The following SCARB1 variants were observed in gnomAD, a reference collection of about 807,000 sequenced individuals.
SCARB1 encodes scavenger receptor class B member 1, also known as CD36 and LIMPII analogous 1.
In SCARB1, 30 loss-of-function variants were observed where a neutral mutation model predicts 57.2. That is an observed-to-expected ratio of 0.52 (90% confidence interval 0.39 to 0.71). The LOEUF (loss-of-function observed/expected upper bound fraction) is 0.71. SCARB1 is among the 30% of genes least tolerant of loss of function. The pLI is 0.00. For missense variants in SCARB1, 543 were observed against 671.2 expected, an observed-to-expected ratio of 0.81 and a Z score of 2.11; for synonymous variants, 249 against 268.3, an observed-to-expected ratio of 0.93 and a Z score of 0.70.
intron 1 of SCARB1, among the ~76,000 whole-genome samples, chr12:124,834,585 T>C (rs1020703970): frequency 6.6e-6 from 1 of 152,214 alleles, no homozygotes; most frequent in Non-Finnish European, 1.5e-5. Context: ...TGGTGTTTAC[T>C]AGGTACCTGT....
At chr12:124,855,360 G>A (rs1016135424) in intron 1 of SCARB1, among the ~76,000 whole-genome samples, 2 of 152,222 alleles carry the variant, frequency 1.3e-5, no homozygotes, top group Admixed American at 6.5e-5. Context: ...TGAGCAGGCG[G>A]AGTGTCTCCA....
rs1949521971 is a variant in SCARB1, at chr12:124,786,444, G to C, written c.1314C>G (p.Pro438=). The C allele has an allele frequency of 6.2e-7, 1 of 1,614,052 alleles. No homozygotes were observed. Among genetic ancestry groups the C allele is most frequent in the Non-Finnish European group, 8.5e-7 (1 of 1,180,050 alleles). Reference sequence around the variant, plus strand: ...CGTACTGGGCATAGTGCATCACCTTGGGCATCAACACCAGCTGAGTGTAGA... The same window carrying C: ...CGTACTGGGCATAGTGCATCACCTTCGGCATCAACACCAGCTGAGTGTAGA... ...HTFYTQLVLM[P]KVMHYAQYVL... The change falls in exon 11 of 13, where the codon CCC becomes CCG. Residue 438 remains proline, a synonymous_variant. Coordinates refer to ENST00000261693, the MANE Select transcript of SCARB1 (RefSeq NM_005505.5).
chr12:124,854,711 G>A (rs1382480469), intron 1 of SCARB1, among the ~76,000 whole-genome samples: 8 of 152,186 alleles, frequency 5.3e-5, no homozygotes, highest in Non-Finnish European at 1.0e-4. Context: ...AGTCAAGGCT[G>A]AGTGCAAGAT....
rs562146249 is a variant in SCARB1 at position 124,807,978 on chromosome 12, G to A, written c.843-51C>T. The stretch of plus-strand genomic sequence containing the variant: ...GGGACACCCAGACCCGGCGGCCAGA[G>A]CCAGGCCCTGCCAAAGGCTGCCCAG... On this transcript the variant is annotated intron_variant, in intron 6 of 12. Transcript: ENST00000261693. This position sits in a 1 kb window ranked among gnomAD's most constrained non-coding sequence, Gnocchi z 5.3. 6.3e-7 allele frequency: 1 copy of A among 1,581,920 alleles called. No individual in the cohort carries two copies. The highest frequency in any genetic ancestry group is 1.1e-5 in the South Asian group (1 of 90,288).
intron 12 of SCARB1, 131 bp from the exon 13 acceptor site, chr12:124,778,717 TGAG>T (rs2135509855): frequency 1.0e-6 from 1 of 955,290 alleles, no homozygotes; most frequent in South Asian, 3.5e-5. Context: ...CTGTCAGAAG[TGAG>T]AAGAGACTGG....
At chr12:124,797,121 T>C (rs1949968133) in intron 8 of SCARB1, among the ~76,000 whole-genome samples, 1 of 152,118 alleles carries the variant, frequency 6.6e-6, no homozygotes, top group African/African-American at 2.4e-5. Flanking sequence ...AGACAACATC[T>C]CCTACATGTT....
At chr12:124,851,874 C>G (rs1379477513) in intron 1 of SCARB1, among the ~76,000 whole-genome samples, 9 of 151,990 alleles carry the variant, frequency 5.9e-5, no homozygotes, top group African/African-American at 1.5e-4. Flanking sequence ...CCTAAAGTGC[C>G]GGGATTACAG....
intron 1 of SCARB1, among the ~76,000 whole-genome samples, chr12:124,835,566 A>C (rs573511109): frequency 1.3e-5 from 2 of 152,266 alleles, no homozygotes; most frequent in East Asian, 3.9e-4. Context: ...CACTGCACCC[A>C]GCCCTTGAAA....
Position 124,778,535 on chromosome 12 carries a change from G to A in SCARB1, c.*52C>T. ...AGAAGCGGGGTGTAGGGGCTGGGGG[G>A]CCGGTCAGGCCCAGCGGCCAGGCCT... On this transcript the variant is annotated 3_prime_UTR_variant, in exon 13 of 13. Coordinates refer to ENST00000261693, the MANE Select transcript of SCARB1 (RefSeq NM_005505.5). 6 of 1,374,894 alleles carry A rather than the reference G, an allele frequency of 4.4e-6. No individual in the cohort carries two copies. The highest frequency in any genetic ancestry group is 1.8e-5 in the South Asian group (1 of 55,666). 85.2% of individuals were successfully genotyped at this position (1,374,894 alleles called of 1,614,324 possible). A position where few individuals can be genotyped will look rare whatever the true frequency, so the allele number is the denominator to read the frequency against.
At chr12:124,858,308 G>A (rs541061966) in intron 1 of SCARB1, among the ~76,000 whole-genome samples, 6 of 152,246 alleles carry the variant, frequency 3.9e-5, no homozygotes, top group Admixed American at 3.9e-4. Context: ...TTTTCACAAA[G>A]GTGCTTTGAA....
At chr12:124,859,424 A>G (rs1034498009) in intron 1 of SCARB1, among the ~76,000 whole-genome samples, 2 of 152,134 alleles carry the variant, frequency 1.3e-5, no homozygotes, top group African/African-American at 4.8e-5. Flanking sequence ...CCAGCTCCTC[A>G]GGAGGCTGAG....
rs1475058935 is a variant in SCARB1 at position 124,814,782 on chromosome 12, TG to T, written c.426+190del. ...GCCAGGACTTCCAAACCAAGACAGG[TG>T]GACCCACCTGGGAAACTCAGAACCC... On this transcript the variant is annotated intron_variant, in intron 3 of 12. Coordinates refer to ENST00000261693, the MANE Select transcript of SCARB1 (RefSeq NM_005505.5). The surrounding 1 kb of genome is among the most constrained non-coding windows in gnomAD (Gnocchi z 4.7). Among the ~76,000 whole-genome samples, 1 of 151,922 alleles carries T rather than the reference TG, an allele frequency of 6.6e-6. No homozygotes were observed. Among genetic ancestry groups the T allele is most frequent in the Non-Finnish European group, 1.5e-5 (1 of 67,988 alleles).
chr12:124,838,236 C>T (rs1485544518), intron 1 of SCARB1, among the ~76,000 whole-genome samples: 2 of 152,258 alleles, frequency 1.3e-5, no homozygotes, highest in Non-Finnish European at 2.9e-5. Flanking sequence ...GAGGCCGGAT[C>T]TGGCCATTAG....
At chr12:124,818,934 C>T (rs1285338792) in intron 1 of SCARB1, among the ~76,000 whole-genome samples, 1 of 152,138 alleles carries the variant, frequency 6.6e-6, no homozygotes, top group Non-Finnish European at 1.5e-5. Context: ...GGATTACAGG[C>T]ATGAGCCACT....
intron 8 of SCARB1, among the ~76,000 whole-genome samples, chr12:124,795,845 A>G (rs1480590977): frequency 1.3e-5 from 2 of 152,258 alleles, no homozygotes; most frequent in Non-Finnish European, 2.9e-5. Context: ...TCCTGCTGAC[A>G]GACAACAATA....
At chr12:124,857,450 C>T (rs181291166) in intron 1 of SCARB1, among the ~76,000 whole-genome samples, 112 of 152,266 alleles carry the variant, frequency 7.4e-4, no homozygotes, top group African/African-American at 2.6e-3. Flanking sequence ...GCCCTGGTGC[C>T]GGGGCTCCCC....
intron 12 of SCARB1, among the ~76,000 whole-genome samples, chr12:124,781,441 T>A (rs535186132): frequency 1.3e-5 from 2 of 152,214 alleles, no homozygotes; most frequent in African/African-American, 2.4e-5. Context: ...GAGCGACTCA[T>A]CCCTGCCCAA....
In SCARB1 at chr12:124,778,286, G is replaced by T; in HGVS notation, c.*301C>A. On this transcript the variant is annotated 3_prime_UTR_variant, in exon 13 of 13. Transcript: ENST00000261693. ...GGACGCAGGACCCACAGCCCCTGTGGTCAGGCCTGTGGGCCACGTGGAGAG... is the reference window on the plus strand; with the variant it reads ...GGACGCAGGACCCACAGCCCCTGTGTTCAGGCCTGTGGGCCACGTGGAGAG... 1.9e-6 allele frequency: 1 copy of T among 531,886 alleles called. No individual in the cohort carries two copies. Among genetic ancestry groups the T allele is most frequent in the Non-Finnish European group, 2.9e-6 (1 of 348,716 alleles). 32.9% of individuals were successfully genotyped at this position (531,886 alleles called of 1,614,324 possible). A position where few individuals can be genotyped will look rare whatever the true frequency, so the allele number is the denominator to read the frequency against.
At chr12:124,851,087 C>A (rs1202516129) in intron 1 of SCARB1, among the ~76,000 whole-genome samples, 1 of 152,246 alleles carries the variant, frequency 6.6e-6, no homozygotes, top group Non-Finnish European at 1.5e-5. Flanking sequence ...CAGCCAATCA[C>A]AGCCAATGAG....
Sources: allele counts gnomAD v4.1 joint callset (sites outside exome capture counted in the v4.1 genomes callset), GRCh38; gene constraint gnomAD v4.1.1; non-coding constraint Gnocchi (gnomAD v3.1); transcripts MANE v1.5; gene names NCBI Gene and HGNC (gene_info 2026-07-23, HGNC 2026-07-21).